OPCML: variants seen among roughly 807,000 people sequenced by gnomAD.
The protein encoded by OPCML is opioid-binding protein/cell adhesion molecule.
OPCML carries 13 observed loss-of-function variants against 37.8 expected under a neutral mutation model. That is an observed-to-expected ratio of 0.34 (90% confidence interval 0.22 to 0.55). The LOEUF (loss-of-function observed/expected upper bound fraction) is 0.55. Ranked by LOEUF, OPCML falls within the 20% of genes least tolerant of loss-of-function variation. OPCML has a pLI of 0.91. For synonymous variants in OPCML, 176 were observed against 168.8 expected (o/e 1.04, Z -0.33); for missense variants, 341 against 435.6 (o/e 0.78, Z 1.93).
intron 1 of OPCML, chr11:133,423,292 A>G (rs761587181): frequency 5.6e-5 from 55 of 985,312 alleles, no homozygotes; most frequent in Non-Finnish European, 6.3e-5. Flanking sequence ...TTTAGGCAGA[A>G]AGAATGAAGT....
chr11:132,711,735 A>C (rs1944270770), intron 2 of OPCML, among the ~76,000 whole-genome samples: 1 of 152,222 alleles, frequency 6.6e-6, no homozygotes, highest in Admixed American at 6.5e-5. Context: ...ACATATGGAA[A>C]TACAGTGTAC....
intron 1 of OPCML, among the ~76,000 whole-genome samples, chr11:133,255,142 T>C (rs1055452804): frequency 6.6e-6 from 1 of 152,152 alleles, no homozygotes; most frequent in Non-Finnish European, 1.5e-5. Context: ...CCTCTGCACC[T>C]TTTTTTCTCC....
At chr11:132,902,675 T>C (rs1179476689) in intron 2 of OPCML, among the ~76,000 whole-genome samples, 1 of 152,150 alleles carries the variant, frequency 6.6e-6, no homozygotes, top group African/African-American at 2.4e-5. Context: ...ATCAGGACTT[T>C]CTGACCTCTT....
intron 2 of OPCML, among the ~76,000 whole-genome samples, chr11:132,784,309 A>C (rs1483053724): frequency 6.6e-6 from 1 of 152,190 alleles, no homozygotes; most frequent in South Asian, 2.1e-4. Flanking sequence ...ATTTAGGACT[A>C]ACCAGAGAAA....
intron 1 of OPCML, chr11:133,067,602 C>T (rs767518171): frequency 3.9e-5 from 6 of 152,204 alleles, no homozygotes; most frequent in Non-Finnish European, 5.9e-5. Context: ...AAGGCATAAG[C>T]ACATCCAATG....
At chr11:132,859,156 T>A (rs1331566222) in intron 2 of OPCML, 1 of 152,182 alleles carries the variant, frequency 6.6e-6, no homozygotes, top group South Asian at 2.1e-4. Context: ...ATCATAGTGA[T>A]GATGATGATG....
intron 1 of OPCML, among the ~76,000 whole-genome samples, chr11:133,133,847 G>C (rs897712930): frequency 1.3e-5 from 2 of 151,936 alleles, no homozygotes; most frequent in South Asian, 2.1e-4. Context: ...TCATTCATTC[G>C]GGGGGGAAAA....
In OPCML at chr11:132,546,514, G is replaced by A. The variant is rs147417866; in HGVS notation, c.380-17328C>T. ...TCCTCATAGCTTAGCTCCCACTTAT[G>A]AGTGAGAATGTATGATCCAACATCC... On this transcript the variant is annotated intron_variant, in intron 3 of 7. Coordinates refer to ENST00000524381, the MANE Select transcript of OPCML (RefSeq NM_001012393.5). Among the ~76,000 whole-genome samples the A allele has an allele frequency of 2.6e-5, 4 of 152,190 alleles. No individual in the cohort carries two copies. In the East Asian group the frequency reaches 7.8e-4, roughly 29 times the overall value.
chr11:132,520,058 T>C (rs1004318826), intron 4 of OPCML, among the ~76,000 whole-genome samples: 6 of 152,170 alleles, frequency 3.9e-5, no homozygotes, highest in Non-Finnish European at 4.4e-5. Flanking sequence ...GAGGCTGTGC[T>C]TTTGTTAGAA....
In OPCML at chr11:132,437,436, T is replaced by C. The variant is rs912294444; in HGVS notation, c.506-77A>G. On this transcript the variant is annotated intron_variant, in intron 4 of 7. Coordinates refer to ENST00000524381, the MANE Select transcript of OPCML (RefSeq NM_001012393.5). ...ACAGAACCATATTCACATCTAGAGA[T>C]TGTAGGAGGAGGAAGAGAAAAAGCC... The C allele has an allele frequency of 7.0e-6, 11 of 1,561,514 alleles. No individual in the cohort carries two copies. The East Asian group carries it at 1.6e-4, about 23-fold the overall frequency.
At chr11:132,800,448 T>C (rs1938577002) in intron 2 of OPCML, among the ~76,000 whole-genome samples, 1 of 152,192 alleles carries the variant, frequency 6.6e-6, no homozygotes, top group Non-Finnish European at 1.5e-5. Context: ...TAGCACCTTG[T>C]TGAATGGAGG....
chr11:132,856,398 G>C (rs1942056984), intron 2 of OPCML, among the ~76,000 whole-genome samples: 1 of 152,174 alleles, frequency 6.6e-6, no homozygotes, highest in Admixed American at 6.5e-5. Flanking sequence ...TAGTCAGACA[G>C]GCATGAGGAG....
chr11:132,472,683 T>TCCAGC (rs1592226625), intron 4 of OPCML, among the ~76,000 whole-genome samples: 1 of 152,178 alleles, frequency 6.6e-6, no homozygotes, highest in East Asian at 1.9e-4. Flanking sequence ...GAGGTGAGCT[T>TCCAGC]CCAGCAGCAG....
chr11:132,795,123 C>T (rs900506963), intron 2 of OPCML, among the ~76,000 whole-genome samples: 1 of 152,140 alleles, frequency 6.6e-6, no homozygotes, highest in African/African-American at 2.4e-5. Context: ...CAGACACACA[C>T]ACACACACAT....
intron 7 of OPCML, among the ~76,000 whole-genome samples, chr11:132,420,937 G>T (rs1051747751): frequency 3.9e-5 from 6 of 152,068 alleles, no homozygotes; most frequent in Non-Finnish European, 5.9e-5. Flanking sequence ...AAAACAGACT[G>T]CCCCTGAAGA....
At chr11:132,508,945 T>G (rs894133274) in intron 4 of OPCML, among the ~76,000 whole-genome samples, 1 of 152,198 alleles carries the variant, frequency 6.6e-6, no homozygotes, top group African/African-American at 2.4e-5. Flanking sequence ...AGGCAGATGT[T>G]GGAACAGTTT....
intron 1 of OPCML, among the ~76,000 whole-genome samples, chr11:133,318,612 ATC>A (rs1943257914): frequency 6.6e-6 from 1 of 152,150 alleles, no homozygotes. Flanking sequence ...CCTTCATAAA[ATC>A]TGTTTTTACC....
At chr11:132,528,017 C>T (rs963626229) in intron 4 of OPCML, among the ~76,000 whole-genome samples, 1 of 152,164 alleles carries the variant, frequency 6.6e-6, no homozygotes, top group Non-Finnish European at 1.5e-5. Flanking sequence ...CTCCCTCAGA[C>T]TCTTGAAAGG....
Position 133,308,017 on chromosome 11 carries a change from G to A in OPCML, c.61+224247C>T, listed in dbSNP as rs192942741. Reference sequence around the variant, plus strand: ...GCTAGAAATCTAACAATGAAAAGACGAGATAAGAGCCAGATTGTGAAGAAC... The same window carrying A: ...GCTAGAAATCTAACAATGAAAAGACAAGATAAGAGCCAGATTGTGAAGAAC... On this transcript the variant is annotated intron_variant, in intron 1 of 7. Transcript: ENST00000524381. Among the ~76,000 whole-genome samples the A allele has an allele frequency of 2.6e-3, 398 of 152,102 alleles. 1 individual carries two copies. The highest frequency in any genetic ancestry group is 3.5e-3 in the Non-Finnish European group (236 of 67,980).
Sources: gnomAD v4.1 joint callset for allele counts (sites outside exome capture counted in the v4.1 genomes callset) on GRCh38, gnomAD v4.1.1 for gene constraint, MANE v1.5 for transcripts, NCBI Gene and HGNC (gene_info 2026-07-23, HGNC 2026-07-21) for gene names.